The following ADGRB3 variants were observed in gnomAD, a reference collection of about 807,000 sequenced individuals.
The protein encoded by ADGRB3 is adhesion G protein-coupled receptor B3.
ADGRB3 carries 37 observed loss-of-function variants against 193.4 expected under a neutral mutation model. The ratio of observed to expected loss-of-function variants is 0.19; its 90% CI spans 0.15 to 0.25. ADGRB3 has a LOEUF of 0.25. Among genes scored for constraint, ADGRB3 ranks in the 10% least tolerant of loss-of-function variants. The probability of loss-of-function intolerance (pLI) is 1.00; values close to 1 mark genes in which losing one functional copy is unlikely to be tolerated. For synonymous variants in ADGRB3, 690 were observed against 644.2 expected (o/e 1.07, Z -1.08); for missense variants, 1,637 against 1,852.9 (o/e 0.88, Z 2.14).
intron 17 of ADGRB3, among the ~76,000 whole-genome samples, chr6:69,137,314 AC>A (rs1461955810): frequency 1.3e-5 from 2 of 150,510 alleles, no homozygotes; most frequent in African/African-American, 2.4e-5. Flanking sequence ...CTTGCTAAAT[AC>A]CCCCATCAGT....
At chr6:69,087,898 A>G (rs1414954033) in intron 17 of ADGRB3, among the ~76,000 whole-genome samples, 1 of 152,176 alleles carries the variant, frequency 6.6e-6, no homozygotes, top group Non-Finnish European at 1.5e-5. Context: ...AGCTTAATGT[A>G]TTTCCCGTGT....
chr6:69,158,190 T>C (rs974219518), intron 17 of ADGRB3, among the ~76,000 whole-genome samples: 7 of 152,066 alleles, frequency 4.6e-5, no homozygotes, highest in Non-Finnish European at 1.0e-4. Flanking sequence ...TGTAAATAAT[T>C]TAGTTAGACA....
At chr6:69,320,733 C>G (rs1190751388) in intron 20 of ADGRB3, among the ~76,000 whole-genome samples, 1 of 151,366 alleles carries the variant, frequency 6.6e-6, no homozygotes, top group Non-Finnish European at 1.5e-5. Flanking sequence ...TCGTCAATAT[C>G]TTTCTTTTTA....
At chr6:69,186,202 T>A (rs1421862716) in intron 17 of ADGRB3, among the ~76,000 whole-genome samples, 1 of 149,686 alleles carries the variant, frequency 6.7e-6, no homozygotes, top group Non-Finnish European at 1.5e-5. Context: ...AAAAAAATTG[T>A]CAATTGGCCT....
At chr6:68,984,323 G>A (rs1269024027) in intron 10 of ADGRB3, among the ~76,000 whole-genome samples, 1 of 152,120 alleles carries the variant, frequency 6.6e-6, no homozygotes, top group Admixed American at 6.6e-5. Context: ...TGGTTATAAT[G>A]TCATTTTTCT....
intron 20 of ADGRB3, among the ~76,000 whole-genome samples, chr6:69,323,884 G>A (rs1442809699): frequency 6.6e-6 from 1 of 151,810 alleles, no homozygotes; most frequent in Non-Finnish European, 1.5e-5. Context: ...AGAAGATATG[G>A]GTTATAGTTT....
intron 29 of ADGRB3, among the ~76,000 whole-genome samples, chr6:69,363,802 G>A (rs1355303973): frequency 6.6e-6 from 1 of 152,016 alleles, no homozygotes; most frequent in South Asian, 2.1e-4. Flanking sequence ...TTCTTCTCGG[G>A]CAGCATGATG....
intron 17 of ADGRB3, among the ~76,000 whole-genome samples, chr6:69,163,857 G>T (rs1325084065): frequency 1.3e-5 from 2 of 152,094 alleles, no homozygotes; most frequent in Admixed American, 1.3e-4. Context: ...TTTGCATGTT[G>T]CATTCAGAGT....
intron 17 of ADGRB3, among the ~76,000 whole-genome samples, chr6:69,204,015 A>G (rs1765486339): frequency 6.6e-6 from 1 of 152,042 alleles, no homozygotes; most frequent in African/African-American, 2.4e-5. Context: ...TTTTTTTTTA[A>G]CAATCCCAAA....
chr6:69,127,777 G>A (rs1773893310), intron 17 of ADGRB3, among the ~76,000 whole-genome samples: 2 of 152,080 alleles, frequency 1.3e-5, no homozygotes, highest in Admixed American at 6.6e-5. Flanking sequence ...AGAACAACTT[G>A]GGTGCAAGAT....
intron 11 of ADGRB3, among the ~76,000 whole-genome samples, chr6:68,996,652 G>T (rs990307567): frequency 6.6e-6 from 1 of 152,110 alleles, no homozygotes; most frequent in Non-Finnish European, 1.5e-5. Flanking sequence ...TTTTCAGACC[G>T]GCTTCGTCTA....
intron 17 of ADGRB3, among the ~76,000 whole-genome samples, chr6:69,162,214 C>T (rs1404638636): frequency 6.6e-6 from 1 of 152,022 alleles, no homozygotes; most frequent in East Asian, 1.9e-4. Flanking sequence ...TTAAGAAGTT[C>T]TTGCATAACG....
At chr6:69,127,355 T>C (rs1773880176) in intron 17 of ADGRB3, among the ~76,000 whole-genome samples, 1 of 152,212 alleles carries the variant, frequency 6.6e-6, no homozygotes, top group South Asian at 2.1e-4. Flanking sequence ...TCAATAAATA[T>C]TAATTTATTC....
intron 20 of ADGRB3, among the ~76,000 whole-genome samples, chr6:69,271,300 T>G (rs996521042): frequency 4.6e-5 from 7 of 152,168 alleles, no homozygotes; most frequent in Non-Finnish European, 4.4e-5. Flanking sequence ...GGCTCTATTT[T>G]TTGTATCAGG....
At chr6:68,970,076 G>T (rs1768513999) in intron 8 of ADGRB3, among the ~76,000 whole-genome samples, 1 of 152,078 alleles carries the variant, frequency 6.6e-6, no homozygotes, top group Non-Finnish European at 1.5e-5. Context: ...CCTCTGCCTG[G>T]AGCATTTATT....
At chr6:69,106,179 A>AAAAAAAAAAAG (rs1554143751) in intron 17 of ADGRB3, among the ~76,000 whole-genome samples, 9 of 140,820 alleles carry the variant, frequency 6.4e-5, no homozygotes, top group South Asian at 4.6e-4. Context: ...AAAAAAAAAA[A>AAAAAAAAAAAG]AAAAGAAAAG....
intron 3 of ADGRB3, among the ~76,000 whole-genome samples, chr6:68,766,406 G>T (rs1479617342): frequency 4.0e-5 from 6 of 151,836 alleles, no homozygotes; most frequent in African/African-American, 1.4e-4. Flanking sequence ...TTTTACAGAG[G>T]TTATGTCGGT....
At chr6:69,199,399 T>C (rs1366993516) in intron 17 of ADGRB3, among the ~76,000 whole-genome samples, 1 of 152,078 alleles carries the variant, frequency 6.6e-6, no homozygotes, top group African/African-American at 2.4e-5. Flanking sequence ...ATAGGGATAG[T>C]AGTAATAATC....
intron 29 of ADGRB3, among the ~76,000 whole-genome samples, chr6:69,364,862 A>G (rs944239902): frequency 6.6e-6 from 1 of 152,098 alleles, no homozygotes; most frequent in African/African-American, 2.4e-5. Context: ...CAAAAAACAT[A>G]CTAAGATTTT....
Sources: allele counts gnomAD v4.1 joint callset (sites outside exome capture counted in the v4.1 genomes callset), GRCh38; gene constraint gnomAD v4.1.1; transcripts MANE v1.5; gene names NCBI Gene and HGNC (gene_info 2026-07-23, HGNC 2026-07-21).